Variants in SHANK1 observed in about 807,000 individuals in gnomAD.
SHANK1 encodes SH3 and multiple ankyrin repeat domains protein 1.
SHANK1 carries 35 observed loss-of-function variants against 165.6 expected under a neutral mutation model. That is an observed-to-expected ratio of 0.21 (90% CI 0.16 to 0.28). SHANK1 has a LOEUF of 0.28. Ranked by LOEUF, SHANK1 falls within the 10% of genes least tolerant of loss-of-function variation. The pLI is 1.00. For missense variants in SHANK1, 2,681 were observed against 3,036.4 expected (o/e 0.88, Z 2.75); for synonymous variants, 1,428 against 1,384.8 (o/e 1.03, Z -0.69).
In SHANK1 at chr19:50,716,794, G is replaced by T; in HGVS notation, c.126C>A (p.Gly42=). 1 of 1,597,978 alleles carries T rather than the reference G, an allele frequency of 6.3e-7. No homozygotes were observed. Among genetic ancestry groups the T allele is most frequent in the Non-Finnish European group, 8.5e-7 (1 of 1,173,718 alleles). ...GGCTACCAGGTGCCCCACTGCCCTGGCCCCGGGTCCCCCGGGGGCCTCGAC... is the reference window on the plus strand; with the variant it reads ...GGCTACCAGGTGCCCCACTGCCCTGTCCCCGGGTCCCCCGGGGGCCTCGAC... ...GPGRGPRGTR[G]QGSGAPGSLA... Residue 42 remains glycine (G), a synonymous_variant, in exon 2 of 24, where the codon GGC becomes GGA. Coordinates refer to ENST00000293441, the MANE Select transcript of SHANK1 (RefSeq NM_016148.5). This position sits in a 1 kb window ranked among gnomAD's most constrained non-coding sequence, Gnocchi z 8.4.
Position 50,661,789 on chromosome 19 carries a change from C to T in SHANK1, c.*176G>A. 1.6e-6 allele frequency: 1 copy of T among 644,530 alleles called. No homozygotes were observed. The highest frequency in any genetic ancestry group is 1.8e-5 in the African/African-American group (1 of 54,802). The allele number at this position is 644,530 out of a possible 1,614,324, so 39.9% of individuals were successfully genotyped here. A position where few individuals can be genotyped will look rare whatever the true frequency, so the allele number is the denominator to read the frequency against. On this transcript the variant is annotated 3_prime_UTR_variant, in exon 24 of 24. Transcript: ENST00000293441. ...TCAGCTGCCCCCCTTCAGTGAGGTGCAAATGTCCGGCCTGGATTGGGCCAC... is the reference window on the plus strand; with the variant it reads ...TCAGCTGCCCCCCTTCAGTGAGGTGTAAATGTCCGGCCTGGATTGGGCCAC...
chr19:50,687,031 C>T, intron 19 of SHANK1: 1 of 1,485,508 alleles, frequency 6.7e-7, no homozygotes, highest in African/African-American at 1.5e-5. Flanking sequence ...CTTCTTCTTC[C>T]AGGGGGAGAC....
chr19:50,681,331 T>C (rs1031323757), intron 21 of SHANK1, among the ~76,000 whole-genome samples: 5 of 152,054 alleles, frequency 3.3e-5, no homozygotes, highest in African/African-American at 9.7e-5. Flanking sequence ...GAGGGGGATG[T>C]ACAGGGCAAA....
chr19:50,691,232 C>T (rs1426892666), intron 15 of SHANK1, among the ~76,000 whole-genome samples: 6 of 152,096 alleles, frequency 3.9e-5, no homozygotes, highest in African/African-American at 4.8e-5. Flanking sequence ...AGCAAGTGGA[C>T]GGGGAAACTG....
chr19:50,670,189 G>A lies in SHANK1; in HGVS notation c.2675-904C>T, dbSNP rs924734266. Among the ~76,000 whole-genome samples, 7 of 151,888 alleles carry A rather than the reference G, an allele frequency of 4.6e-5. No individual in the cohort carries two copies. Among genetic ancestry groups the A allele is most frequent in the African/African-American group, 1.5e-4 (6 of 41,354 alleles). ...CACCAACAGACTCCTCCCAGCCCAC[G>A]GTCCCTCCCCACCACCGCAGCAAAC... On this transcript the variant is annotated intron_variant, in intron 22 of 23. Coordinates refer to ENST00000293441, the MANE Select transcript of SHANK1 (RefSeq NM_016148.5). This position sits in a 1 kb window ranked among gnomAD's most constrained non-coding sequence, Gnocchi z 4.1.
In SHANK1 at chr19:50,667,825, T is replaced by C; in HGVS notation, c.4135A>G (p.Arg1379Gly). The change falls in exon 23 of 24, where the codon AGG becomes GGG. Residue 1379 changes from arginine to glycine, a missense_variant. Physicochemically the swap from Arg to Gly is moderately radical, Grantham distance 125. Coordinates refer to ENST00000293441, the MANE Select transcript of SHANK1 (RefSeq NM_016148.5). The surrounding 1 kb of genome is among the most constrained non-coding windows in gnomAD (Gnocchi z 5.7). ...EGGGAPQPPP[R>G]PPSPRYEAPP... is the part of the protein sequence containing the mutation. ...GCCTCGTAGCGGGGCGATGGGGGCC[T>C]GGGAGGCGGCTGGGGGGCCCCGCCG... 1 of 1,294,734 alleles carries C rather than the reference T, an allele frequency of 7.7e-7. No homozygotes were observed. The highest frequency in any genetic ancestry group is 9.7e-7 in the Non-Finnish European group (1 of 1,025,972). 80.2% of individuals were successfully genotyped at this position (1,294,734 alleles called of 1,614,324 possible). A position where few individuals can be genotyped will look rare whatever the true frequency, so the allele number is the denominator to read the frequency against.
At chr19:50,664,018 C>T (rs1194709636) in intron 23 of SHANK1, among the ~76,000 whole-genome samples, 3 of 147,906 alleles carry the variant, frequency 2.0e-5, no homozygotes, top group South Asian at 2.2e-4. Context: ...CAGCTCACTG[C>T]AGCCTCAACC....
chr19:50,697,793 G>T lies in SHANK1; in HGVS notation c.1861+50C>A, dbSNP rs1257431859. ...CCCCCATTAGGAAGGGAAAGGAGTG[G>T]ACGTGGGAATCCTAGGGTCCATTGA... On this transcript the variant is annotated intron_variant, in intron 13 of 23. Transcript: ENST00000293441. This position sits in a 1 kb window ranked among gnomAD's most constrained non-coding sequence, Gnocchi z 4.7. The T allele has an allele frequency of 6.5e-7, 1 of 1,543,720 alleles. No individual in the cohort carries two copies. The highest frequency in any genetic ancestry group is 1.7e-5 in the Admixed American group (1 of 59,616).
At chr19:50,680,450 A>T (rs948639992) in intron 21 of SHANK1, among the ~76,000 whole-genome samples, 1 of 152,046 alleles carries the variant, frequency 6.6e-6, no homozygotes, top group Non-Finnish European at 1.5e-5. Flanking sequence ...GGTGACAAAG[A>T]CAGTACCAGA....
chr19:50,709,432 C>T (rs764797952), intron 8 of SHANK1, among the ~76,000 whole-genome samples: 8 of 152,244 alleles, frequency 5.3e-5, no homozygotes, highest in South Asian at 2.1e-4. Context: ...TGAGCCACTG[C>T]GCCCGGCCTG....
chr19:50,689,910 T>C (rs967263130), intron 15 of SHANK1, among the ~76,000 whole-genome samples: 1 of 152,140 alleles, frequency 6.6e-6, no homozygotes, highest in Admixed American at 6.5e-5. Context: ...CAGGGTAAAA[T>C]TGCTAATTCT....
chr19:50,703,012 C>T (rs572744008), intron 11 of SHANK1, among the ~76,000 whole-genome samples: 5 of 152,328 alleles, frequency 3.3e-5, no homozygotes, highest in Non-Finnish European at 5.9e-5. Context: ...CTCCTCTGCC[C>T]GCCGTTGCCA....
intron 8 of SHANK1, 59 bp downstream of exon 8, chr19:50,711,312 C>T: frequency 8.5e-7 from 1 of 1,178,152 alleles, no homozygotes; most frequent in East Asian, 2.6e-5. Context: ...TGAGCTTGGC[C>T]CTGGGGGAGG....
rs1986500340 is a variant in SHANK1 at position 50,690,270 on chromosome 19, A to G, written c.1965-991T>C. Among the ~76,000 whole-genome samples the G allele has an allele frequency of 6.6e-6, 1 of 152,114 alleles. No homozygotes were observed. The highest frequency in any genetic ancestry group is 1.5e-5 in the Non-Finnish European group (1 of 68,008). ...CCACCAGCACATTTAGGTAAGGCTC[A>G]CGTACCCAGGAAATGTCAATGAAAC... On this transcript the variant is annotated intron_variant, in intron 15 of 23. Transcript: ENST00000293441. The surrounding 1 kb of genome is among the most constrained non-coding windows in gnomAD (Gnocchi z 4.9).
intron 15 of SHANK1, among the ~76,000 whole-genome samples, chr19:50,692,053 G>A (rs1050687119): frequency 2.0e-5 from 3 of 152,076 alleles, no homozygotes; most frequent in African/African-American, 7.2e-5. Flanking sequence ...AGGTCACACA[G>A]TGAGTATCAT....
intron 7 of SHANK1, 101 bp downstream of exon 7, chr19:50,711,846 C>T: frequency 7.6e-7 from 1 of 1,314,486 alleles, no homozygotes; most frequent in Admixed American, 1.7e-5. Context: ...CACCCCCATG[C>T]TCTGTGAGGA....
In SHANK1 at chr19:50,660,389, AGAGGCTC is replaced by A. The variant is rs1331395548; in HGVS notation, c.*1569_*1575del. Among the ~76,000 whole-genome samples the A allele has an allele frequency of 6.6e-6, 1 of 152,000 alleles. No individual in the cohort carries two copies. The highest frequency in any genetic ancestry group is 1.5e-5 in the Non-Finnish European group (1 of 67,986). On this transcript the variant is annotated 3_prime_UTR_variant, in exon 24 of 24. Coordinates refer to ENST00000293441, the MANE Select transcript of SHANK1 (RefSeq NM_016148.5). ...GGAAGGGTGAGGGCTGGAGGCAGGGAGAGGCTCGAGTGTGGAAGCATGGTGAGCAGGA... is the reference window on the plus strand; with the variant it reads ...GGAAGGGTGAGGGCTGGAGGCAGGGAGAGTGTGGAAGCATGGTGAGCAGGA...
rs1177891667 is a variant in SHANK1, at chr19:50,716,545, A to G, written c.256-67T>C. ...AGAGGAGAGCCTGAGGTGGGTTGGG[A>G]AGTGAGCCAGGAGCTGAGTGTGGGG... On this transcript the variant is annotated intron_variant, in intron 2 of 23. Transcript: ENST00000293441. This position sits in a 1 kb window ranked among gnomAD's most constrained non-coding sequence, Gnocchi z 8.4. 1 of 1,588,736 alleles carries G rather than the reference A, an allele frequency of 6.3e-7. No homozygotes were observed. Among genetic ancestry groups the G allele is most frequent in the African/African-American group, 1.3e-5 (1 of 74,400 alleles).
rs558353470 is a variant in SHANK1 at position 50,689,987 on chromosome 19, TG to T, written c.1965-709del. 3.2e-3 allele frequency among the ~76,000 whole-genome samples: 494 copies of T among 152,258 alleles called. 2 individuals carry two copies. The highest frequency in any genetic ancestry group is 0.011 in the African/African-American group (475 of 41,540). On this transcript the variant is annotated intron_variant, in intron 15 of 23. Transcript: ENST00000293441. Reference sequence around the variant, plus strand: ...TTTATGAAAGCTAATCAAAATCAAATGGAAAAATTCAATTCCTCAGTCACAG... The same window carrying T: ...TTTATGAAAGCTAATCAAAATCAAATGAAAAATTCAATTCCTCAGTCACAG...
Sources: gnomAD v4.1 joint callset for allele counts (sites outside exome capture counted in the v4.1 genomes callset) on GRCh38, gnomAD v4.1.1 for gene constraint, Gnocchi (gnomAD v3.1) non-coding constraint, MANE v1.5 for transcripts, NCBI Gene and HGNC (gene_info 2026-07-23, HGNC 2026-07-21) for gene names.